GFPT1: variants seen among roughly 807,000 people sequenced by gnomAD.
The protein encoded by GFPT1 is glutamine--fructose-6-phosphate aminotransferase [isomerizing] 1.
In GFPT1, 40 loss-of-function variants were observed where a neutral mutation model predicts 92.0. The observed-to-expected ratio is 0.43, with a 90% CI of 0.34 to 0.57. The LOEUF is 0.57. Ranked by LOEUF, GFPT1 falls within the 20% of genes least tolerant of loss-of-function variation. GFPT1 has a pLI of 0.02. For synonymous variants in GFPT1, 269 were observed against 280.6 expected (o/e 0.96, Z 0.41); for missense variants, 448 against 869.1 (o/e 0.52, Z 6.09).
intron 2 of GFPT1, chr2:69,371,554 C>G (rs1052299827): frequency 6.6e-6 from 1 of 151,944 alleles, no homozygotes. Flanking sequence ...ATAAAAAATA[C>G]TGGCCGGGCG....
intron 9 of GFPT1, among the ~76,000 whole-genome samples, chr2:69,352,434 G>C (rs933103428): frequency 6.6e-6 from 1 of 151,586 alleles, no homozygotes; most frequent in Admixed American, 6.6e-5. Context: ...GCAACAGCCT[G>C]AAACCCCGTC....
chr2:69,360,243 C>T (rs569521891), intron 4 of GFPT1, among the ~76,000 whole-genome samples: 53 of 150,190 alleles, frequency 3.5e-4, no homozygotes, highest in African/African-American at 1.3e-3. Context: ...GCAGGAGAAT[C>T]GCTTGAATCT....
chr2:69,346,517 C>T (rs1671086543), intron 11 of GFPT1, among the ~76,000 whole-genome samples: 2 of 152,038 alleles, frequency 1.3e-5, no homozygotes, highest in South Asian at 2.1e-4. Flanking sequence ...GGATTACAGG[C>T]GTGAGCCACC....
intron 15 of GFPT1, among the ~76,000 whole-genome samples, chr2:69,331,359 G>C (rs1574043840): frequency 6.6e-6 from 1 of 151,998 alleles, no homozygotes; most frequent in East Asian, 1.9e-4. Flanking sequence ...TTTTAAGAAG[G>C]TAGTTATTGT....
Position 69,374,472 on chromosome 2 carries a change from C to T in GFPT1, c.8-359G>A, listed in dbSNP as rs535914003. Among the ~76,000 whole-genome samples the T allele has an allele frequency of 3.3e-5, 5 of 152,102 alleles. No individual in the cohort carries two copies. The South Asian group carries it at 8.3e-4, about 25-fold the overall frequency. Reference sequence around the variant, plus strand: ...GGGACTACAGGTGCCTGCCACCACGCCCAGCTAATTTTTTGTATATTTAGT... The same window carrying T: ...GGGACTACAGGTGCCTGCCACCACGTCCAGCTAATTTTTTGTATATTTAGT... On this transcript the variant is annotated intron_variant, in intron 1 of 19. Transcript: ENST00000357308.
chr2:69,332,414 G>A (rs549413567), intron 15 of GFPT1, among the ~76,000 whole-genome samples: 2 of 151,152 alleles, frequency 1.3e-5, no homozygotes, highest in East Asian at 2.0e-4. Flanking sequence ...CTGGGTTCGC[G>A]TGATTCTCCT....
chr2:69,339,162 T>C (rs1670874684), intron 13 of GFPT1, among the ~76,000 whole-genome samples: 1 of 152,228 alleles, frequency 6.6e-6, no homozygotes, highest in Non-Finnish European at 1.5e-5. Flanking sequence ...CTGAGTCAGC[T>C]TGTGTGTTAT....
At chr2:69,370,185 T>G in intron 2 of GFPT1, 77 bp from the exon 3 acceptor site, 1 of 843,102 alleles carries the variant, frequency 1.2e-6, no homozygotes, top group Non-Finnish European at 2.1e-6. Flanking sequence ...GCAAAATTTT[T>G]AATTAAAAAA....
Position 69,325,886 on chromosome 2 carries a change from TTGAAG to T in GFPT1, c.*298_*302del. 1 of 294,584 alleles carries T rather than the reference TTGAAG, an allele frequency of 3.4e-6. No homozygotes were observed. Among genetic ancestry groups the T allele is most frequent in the Non-Finnish European group, 6.3e-6 (1 of 158,288 alleles). The allele number at this position is 294,584 out of a possible 1,614,324, so 18.2% of individuals were successfully genotyped here. A position where few individuals can be genotyped will look rare whatever the true frequency, so the allele number is the denominator to read the frequency against. ...TTTAGAAACATATTGTCTTCTCAGATTGAAGTGGAGGGTCCAGAAATGCAACACCC... is the reference window on the plus strand; with the variant it reads ...TTTAGAAACATATTGTCTTCTCAGATTGGAGGGTCCAGAAATGCAACACCC... On this transcript the variant is annotated 3_prime_UTR_variant, in exon 20 of 20. Transcript: ENST00000357308.
chr2:69,333,745 G>C (rs1197883669), intron 15 of GFPT1, among the ~76,000 whole-genome samples: 3 of 152,170 alleles, frequency 2.0e-5, no homozygotes, highest in Admixed American at 6.5e-5. Context: ...CTGATACTAT[G>C]AGAAACTCAG....
intron 4 of GFPT1, 72 bp from the exon 5 acceptor site, chr2:69,359,398 C>T: frequency 1.2e-6 from 1 of 858,644 alleles, no homozygotes; most frequent in Non-Finnish European, 2.0e-6. Flanking sequence ...ATTACTCTAA[C>T]TGGATTTTTC....
chr2:69,355,699 C>T (rs1671319817), intron 7 of GFPT1, among the ~76,000 whole-genome samples: 1 of 152,144 alleles, frequency 6.6e-6, no homozygotes. Context: ...GAAAGTGTAG[C>T]ACCTTCTCCT....
intron 3 of GFPT1, among the ~76,000 whole-genome samples, chr2:69,364,538 G>A (rs946765396): frequency 6.6e-6 from 1 of 152,174 alleles, no homozygotes; most frequent in Non-Finnish European, 1.5e-5. Context: ...ACAACCTTAT[G>A]ACTGCAATTT....
At chr2:69,381,622 A>G (rs1165433550) in intron 1 of GFPT1, among the ~76,000 whole-genome samples, 2 of 149,020 alleles carry the variant, frequency 1.3e-5, no homozygotes, top group African/African-American at 5.0e-5. Context: ...CAGCAGCACA[A>G]TCATAGCTCA....
intron 9 of GFPT1, 38 bp from the exon 10 acceptor site, chr2:69,350,221 G>C: frequency 7.9e-7 from 1 of 1,264,292 alleles, no homozygotes; most frequent in Non-Finnish European, 1.2e-6. Context: ...CAAACATGTA[G>C]AAAATCATGT....
rs767820760 is a variant in GFPT1 at position 69,338,599 on chromosome 2, T to C, written c.1204-34A>G. The C allele has an allele frequency of 3.1e-6, 5 of 1,611,802 alleles. No individual in the cohort carries two copies. The Admixed American group carries it at 5.0e-5, about 16-fold the overall frequency. On this transcript the variant is annotated intron_variant, in intron 13 of 19. Coordinates refer to ENST00000357308, the MANE Select transcript of GFPT1 (RefSeq NM_001244710.2). ...AAAATATGACTTGGTCACAGAACTT[T>C]CCTTCAAATACTCTTTCATCGGACT...
chr2:69,384,502 G>A (rs910297500), intron 1 of GFPT1, among the ~76,000 whole-genome samples: 1 of 151,896 alleles, frequency 6.6e-6, no homozygotes, highest in African/African-American at 2.4e-5. Flanking sequence ...TGGATTACCT[G>A]AGGTCAGCAG....
At chr2:69,359,901 A>G (rs1305772076) in intron 4 of GFPT1, among the ~76,000 whole-genome samples, 1 of 152,254 alleles carries the variant, frequency 6.6e-6, no homozygotes, top group Non-Finnish European at 1.5e-5. Flanking sequence ...ATAAATGTTA[A>G]AATATCATTC....
intron 9 of GFPT1, among the ~76,000 whole-genome samples, chr2:69,353,057 A>G (rs1671250615): frequency 4.0e-5 from 6 of 151,754 alleles, no homozygotes; most frequent in Admixed American, 3.9e-4. Context: ...AAATAAATAA[A>G]TAAGGTAAAA....
Sources: gnomAD v4.1 joint callset for allele counts (sites outside exome capture counted in the v4.1 genomes callset) on GRCh38, gnomAD v4.1.1 for gene constraint, MANE v1.5 for transcripts, NCBI Gene and HGNC (gene_info 2026-07-23, HGNC 2026-07-21) for gene names.